BANP: variants seen among roughly 807,000 people sequenced by gnomAD.
BANP encodes the protein BTG3 associated nuclear protein.
Under a neutral mutation model 68.1 loss-of-function variants are expected in BANP, and 11 were observed. The ratio of observed to expected loss-of-function variants is 0.16; its 90% CI spans 0.10 to 0.27. The LOEUF is 0.27. Ranked by LOEUF, BANP falls within the 10% of genes least tolerant of loss-of-function variation. The probability of loss-of-function intolerance (pLI) is 1.00; values close to 1 mark genes in which losing one functional copy is unlikely to be tolerated. For missense variants in BANP, 504 were observed against 722.7 expected (o/e 0.70, Z 3.47); for synonymous variants, 329 against 303.2 (o/e 1.09, Z -0.88).
At chr16:88,038,833 G>C (rs188252025) in intron 11 of BANP, among the ~76,000 whole-genome samples, 2 of 152,158 alleles carry the variant, frequency 1.3e-5, no homozygotes, top group Non-Finnish European at 2.9e-5. Flanking sequence ...GAAGAATCTG[G>C]GTGATCTTCC....
In BANP at chr16:88,018,893, C is replaced by G. The variant is rs1598479744; in HGVS notation, c.895+226C>G. Among the ~76,000 whole-genome samples, 1 of 152,196 alleles carries G rather than the reference C, an allele frequency of 6.6e-6. No homozygotes were observed. Among genetic ancestry groups the G allele is most frequent in the African/African-American group, 2.4e-5 (1 of 41,440 alleles). ...CCCGCACCAAAATACCTCATATACC[C>G]CATCATATATATACCTACTGTGTAC... On this transcript the variant is annotated intron_variant, in intron 7 of 13. Coordinates refer to ENST00000682872, the MANE Select transcript of BANP (RefSeq NM_001386991.1). The surrounding 1 kb of genome is among the most constrained non-coding windows in gnomAD (Gnocchi z 7.7).
intron 7 of BANP, among the ~76,000 whole-genome samples, chr16:88,026,676 T>A (rs2077059722): frequency 6.6e-6 from 1 of 151,208 alleles, no homozygotes; most frequent in Non-Finnish European, 1.5e-5. Context: ...AGAGTAACAA[T>A]ACATAACTTG....
Position 88,003,881 on chromosome 16 carries a change from G to C in BANP, c.363-414G>C, listed in dbSNP as rs552158646. ...CGTTAGATCTGTCCCATAGGAATGA[G>C]TTGGGATGGAGTGACTGAAAATGTC... On this transcript the variant is annotated intron_variant, in intron 4 of 13. Coordinates refer to ENST00000682872, the MANE Select transcript of BANP (RefSeq NM_001386991.1). This position sits in a 1 kb window ranked among gnomAD's most constrained non-coding sequence, Gnocchi z 6.1. 4 of 296,978 alleles carry C rather than the reference G, an allele frequency of 1.3e-5. No individual in the cohort carries two copies. Among genetic ancestry groups the C allele is most frequent in the Non-Finnish European group, 2.6e-5 (4 of 153,054 alleles). 18.4% of individuals were successfully genotyped at this position (296,978 alleles called of 1,614,324 possible). A position where few individuals can be genotyped will look rare whatever the true frequency, so the allele number is the denominator to read the frequency against.
At chr16:88,067,637 A>T (rs4843787) in intron 12 of BANP, among the ~76,000 whole-genome samples, 1 of 151,822 alleles carries the variant, frequency 6.6e-6, no homozygotes, top group African/African-American at 2.4e-5. Flanking sequence ...TGCCACTCCC[A>T]TTCAGAGCCG....
At chr16:88,042,032 G>A (rs1260188613) in intron 11 of BANP, among the ~76,000 whole-genome samples, 1 of 152,222 alleles carries the variant, frequency 6.6e-6, no homozygotes, top group African/African-American at 2.4e-5. Context: ...ACAGTAGGAG[G>A]GGTCGGGAGA....
rs1004708337 is a variant in BANP at position 88,064,764 on chromosome 16, G to A, written c.1312-503G>A. On this transcript the variant is annotated intron_variant, in intron 11 of 13. Coordinates refer to ENST00000682872, the MANE Select transcript of BANP (RefSeq NM_001386991.1). The surrounding 1 kb of genome is among the most constrained non-coding windows in gnomAD (Gnocchi z 4.5). ...CCTTCATGCGGTTGGGGGTGCTGCCGCTCTTGCCCGCAGGGCACTCCTCTG... is the reference window on the plus strand; with the variant it reads ...CCTTCATGCGGTTGGGGGTGCTGCCACTCTTGCCCGCAGGGCACTCCTCTG... Among the ~76,000 whole-genome samples the A allele has an allele frequency of 9.9e-5, 15 of 152,196 alleles. No homozygotes were observed. Among genetic ancestry groups the A allele is most frequent in the African/African-American group, 1.7e-4 (7 of 41,454 alleles).
Position 88,003,048 on chromosome 16 carries a change from T to A in BANP, c.363-1247T>A, listed in dbSNP as rs976859846. 3.9e-5 allele frequency among the ~76,000 whole-genome samples: 6 copies of A among 152,294 alleles called. No homozygotes were observed. The South Asian group carries it at 1.0e-3, about 26-fold the overall frequency. On this transcript the variant is annotated intron_variant, in intron 4 of 13. Coordinates refer to ENST00000682872, the MANE Select transcript of BANP (RefSeq NM_001386991.1). The surrounding 1 kb of genome is among the most constrained non-coding windows in gnomAD (Gnocchi z 6.1). Reference sequence around the variant, plus strand: ...CGTGCAAGTCAGGTAGCCTCTCCAGTTCTACATCTCTGAGGAGCATAGGAC... The same window carrying A: ...CGTGCAAGTCAGGTAGCCTCTCCAGATCTACATCTCTGAGGAGCATAGGAC...
chr16:87,978,860 G>A (rs942812867), intron 2 of BANP, among the ~76,000 whole-genome samples: 7 of 152,230 alleles, frequency 4.6e-5, no homozygotes, highest in Non-Finnish European at 1.0e-4. Context: ...TCAGGTGATC[G>A]TCACGGCTTC....
At chr16:88,037,222 T>C (rs549343941) in intron 10 of BANP, 2 of 152,360 alleles carry the variant, frequency 1.3e-5, no homozygotes, top group Admixed American at 6.5e-5. Flanking sequence ...TACTCGAATT[T>C]CAATTTTTTA....
chr16:88,054,257 TCACCAC>T (rs57549367), intron 11 of BANP, among the ~76,000 whole-genome samples: 2 of 67,786 alleles, frequency 3.0e-5, no homozygotes, highest in Non-Finnish European at 3.8e-5. Context: ...ACAGTCACCT[TCACCAC>T]CACCACCACC....
chr16:87,953,234 T>C (rs1249068368), intron 1 of BANP, among the ~76,000 whole-genome samples: 4 of 152,202 alleles, frequency 2.6e-5, no homozygotes, highest in East Asian at 1.9e-4. Context: ...ATCAATATAA[T>C]GTATACAATA....
Position 88,027,593 on chromosome 16 carries a change from C to CT in BANP, c.1007dup (p.Ala337GlyfsTer165). On this transcript the variant is annotated frameshift_variant, in exon 8 of 14. Coordinates refer to ENST00000682872, the MANE Select transcript of BANP (RefSeq NM_001386991.1). LOFTEE classifies it high-confidence loss of function. Reference sequence around the variant, plus strand: ...GCGGCGCAAGCAGCGGGGCCAGAGCCTGGCGGTCAAGAGCTTCTCGCGGAG... The same window carrying CT: ...GCGGCGCAAGCAGCGGGGCCAGAGCCTTGGCGGTCAAGAGCTTCTCGCGGAG... 1 of 1,614,000 alleles carries CT rather than the reference C, an allele frequency of 6.2e-7. No homozygotes were observed. The highest frequency in any genetic ancestry group is 1.1e-5 in the South Asian group (1 of 91,084).
intron 11 of BANP, among the ~76,000 whole-genome samples, chr16:88,063,323 G>A (rs975395200): frequency 6.6e-6 from 1 of 152,214 alleles, no homozygotes; most frequent in African/African-American, 2.4e-5. Flanking sequence ...CCTGGGAGCT[G>A]GTCCCAGAAG....
chr16:88,068,801 G>C (rs1400785715), intron 12 of BANP, among the ~76,000 whole-genome samples: 1 of 152,130 alleles, frequency 6.6e-6, no homozygotes, highest in Non-Finnish European at 1.5e-5. Context: ...GTTACTGGTG[G>C]GTTTGCACAT....
At chr16:87,992,663 G>A (rs1285292146) in intron 4 of BANP, among the ~76,000 whole-genome samples, 5 of 151,846 alleles carry the variant, frequency 3.3e-5, no homozygotes, top group Admixed American at 6.6e-5. Flanking sequence ...GTGTGGTAGC[G>A]GGCGCCTGTA....
intron 2 of BANP, among the ~76,000 whole-genome samples, chr16:87,976,748 A>G (rs2062223082): frequency 6.6e-6 from 1 of 152,190 alleles, no homozygotes. Context: ...AGGGGAGGGC[A>G]GTAGAAATAG....
chr16:88,036,400 G>A lies in BANP; in HGVS notation c.1272+1006G>A, dbSNP rs775669584. Among the ~76,000 whole-genome samples, 1 of 152,170 alleles carries A rather than the reference G, an allele frequency of 6.6e-6. No individual in the cohort carries two copies. The highest frequency in any genetic ancestry group is 2.4e-5 in the African/African-American group (1 of 41,418). On this transcript the variant is annotated intron_variant, in intron 10 of 13. Transcript: ENST00000682872. This position sits in a 1 kb window ranked among gnomAD's most constrained non-coding sequence, Gnocchi z 4.2. ...AGCTCATGCTGGGTGCAGGTGCTGT[G>A]GGGGAGCAGAGGAGAGAGAAGCCCT...
intron 4 of BANP, among the ~76,000 whole-genome samples, chr16:87,985,571 CA>C (rs923372700): frequency 1.3e-5 from 2 of 149,768 alleles, no homozygotes; most frequent in South Asian, 2.1e-4. Context: ...ATTTATGTTT[CA>C]AAAAAAAAGA....
In BANP at chr16:88,018,694, T is replaced by A. The variant is rs2075147727; in HGVS notation, c.895+27T>A. The A allele has an allele frequency of 6.5e-7, 1 of 1,546,648 alleles. No individual in the cohort carries two copies. The highest frequency in any genetic ancestry group is 1.2e-5 in the South Asian group (1 of 84,056). ...TAAGTCGGGCCCCGCCTTGGGGGAC[T>A]GGGGTGTGCGGGGAGCTGGGTCAGG... is the stretch of plus-strand genomic sequence containing the variant. On this transcript the variant is annotated intron_variant, in intron 7 of 13. Transcript: ENST00000682872. This position sits in a 1 kb window ranked among gnomAD's most constrained non-coding sequence, Gnocchi z 7.7.
Sources: gnomAD v4.1 joint callset for allele counts (sites outside exome capture counted in the v4.1 genomes callset) on GRCh38, gnomAD v4.1.1 for gene constraint, Gnocchi (gnomAD v3.1) non-coding constraint, MANE v1.5 for transcripts, NCBI Gene and HGNC (gene_info 2026-07-23, HGNC 2026-07-21) for gene names.